EXOC3: variants seen among roughly 807,000 people sequenced by gnomAD.
EXOC3 encodes exocyst complex component 3, also known as SEC6-like 1.
A neutral mutation model predicts 73.7 loss-of-function variants in EXOC3; 21 were observed. The observed-to-expected ratio is 0.29, with a 90% CI of 0.20 to 0.41. The LOEUF (loss-of-function observed/expected upper bound fraction) is 0.41. EXOC3 is among the 10% of genes least tolerant of loss of function. The pLI, the probability that EXOC3 is intolerant of heterozygous loss-of-function variation, is 1.00. For missense variants in EXOC3, 842 were observed against 985.1 expected (o/e 0.85, Z 1.95); for synonymous variants, 410 against 389.1 (o/e 1.05, Z -0.63).
At chr5:450,856 G>A (rs1179874973) in intron 3 of EXOC3, among the ~76,000 whole-genome samples, 1 of 149,484 alleles carries the variant, frequency 6.7e-6, no homozygotes, top group Admixed American at 6.7e-5. Flanking sequence ...TTCTCTTTTG[G>A]TTATTATTTA....
At chr5:465,612 G>A (rs565996236) in intron 11 of EXOC3, 106 bp from the exon 12 acceptor site, 23 of 1,409,574 alleles carry the variant, frequency 1.6e-5, no homozygotes, top group Non-Finnish European at 2.0e-5. Flanking sequence ...GAGGAGTCAG[G>A]TGAAGAGGGA....
chr5:453,283 G>T (rs1292421978), intron 3 of EXOC3, 87 bp from the exon 4 acceptor site: 4 of 983,682 alleles, frequency 4.1e-6, no homozygotes, highest in Non-Finnish European at 6.0e-6. Context: ...GTGGCTTCCT[G>T]CTCTGCCGTG....
intron 5 of EXOC3, chr5:457,601 C>T (rs1040011142): frequency 3.2e-6 from 1 of 310,784 alleles, no homozygotes. Context: ...TCTCTGTGCA[C>T]CTGGGATTCA....
chr5:457,582 C>T (rs774714782), intron 5 of EXOC3: 8 of 282,546 alleles, frequency 2.8e-5, no homozygotes, highest in African/African-American at 8.8e-5. Flanking sequence ...CGGACCTGGT[C>T]GGCCTCATTC....
At chr5:461,294 A>C (rs2126585211) in intron 7 of EXOC3, among the ~76,000 whole-genome samples, 1 of 152,324 alleles carries the variant, frequency 6.6e-6, no homozygotes, top group Middle Eastern at 3.4e-3. Context: ...AACTCCTCAA[A>C]ATTTTTATAT....
At chr5:460,404 G>A (rs1440558436) in intron 7 of EXOC3, among the ~76,000 whole-genome samples, 1 of 152,162 alleles carries the variant, frequency 6.6e-6, no homozygotes, top group Non-Finnish European at 1.5e-5. Flanking sequence ...TGCCTTCCAC[G>A]ATGTGGCACA....
At chr5:451,261 C>T (rs753863753) in intron 3 of EXOC3, among the ~76,000 whole-genome samples, 1 of 152,178 alleles carries the variant, frequency 6.6e-6, no homozygotes, top group South Asian at 2.1e-4. Flanking sequence ...AACATTATCT[C>T]GCTTCAGTTT....
chr5:459,812 G>A (rs1737931268), intron 7 of EXOC3, among the ~76,000 whole-genome samples: 1 of 152,256 alleles, frequency 6.6e-6, no homozygotes, highest in Admixed American at 6.5e-5. Context: ...TTCGTAGTGG[G>A]GAGGGCGTCC....
rs961325050 is a variant in EXOC3 at position 462,616 on chromosome 5, G to A, written c.1653+309G>A. 4.1e-5 allele frequency: 15 copies of A among 364,042 alleles called. No homozygotes were observed. The Admixed American group carries it at 5.5e-4, about 13-fold the overall frequency. 22.6% of individuals were successfully genotyped at this position (364,042 alleles called of 1,614,324 possible). On this transcript the variant is annotated intron_variant, in intron 9 of 12. Coordinates refer to ENST00000512944, the MANE Select transcript of EXOC3 (RefSeq NM_007277.5). ...CCTGTCAAAAAGTCAAATTGAGAGTGCACACACACACACATCCTCACATAG... is the reference window on the plus strand; with the variant it reads ...CCTGTCAAAAAGTCAAATTGAGAGTACACACACACACACATCCTCACATAG...
chr5:443,758 C>T (rs1436391194), intron 1 of EXOC3, among the ~76,000 whole-genome samples: 2 of 148,164 alleles, frequency 1.3e-5, no homozygotes, highest in East Asian at 4.0e-4. Context: ...CACAGGTGTC[C>T]CTCCCAGGCA....
In EXOC3 at chr5:447,588, A is replaced by G; in HGVS notation, c.200A>G (p.Asn67Ser). The G allele has an allele frequency of 6.3e-7, 1 of 1,591,530 alleles. No homozygotes were observed. The highest frequency in any genetic ancestry group is 2.3e-5 in the East Asian group (1 of 43,376). ...CGCACAGGCCTCAGCCAGCTCCACA[A>G]CGCCCTGAATGACGTCAAAGACATC... ...GVRTGLSQLH[N>S]ALNDVKDIQQ... is the part of the protein sequence containing the mutation. Residue 67 changes from asparagine (N) to serine (S), a missense_variant, in exon 3 of 13, where the codon AAC (asparagine) becomes AGC (serine). Physicochemically the swap from Asn to Ser is conservative, Grantham distance 46. Transcript: ENST00000512944.
At chr5:458,625 C>G (rs190161929) in intron 6 of EXOC3, among the ~76,000 whole-genome samples, 74 of 152,338 alleles carry the variant, frequency 4.9e-4, no homozygotes, top group African/African-American at 1.7e-3. Context: ...GGTGTTAGAA[C>G]CGGTGTGTTC....
At position 466,829 on chromosome 5, in the gene EXOC3, C is replaced by T; in HGVS notation, c.2169C>T (p.Ser723=). 1.4e-5 allele frequency: 22 copies of T among 1,613,386 alleles called. No homozygotes were observed. The highest frequency in any genetic ancestry group is 2.2e-5 in the East Asian group (1 of 44,876). ...TGGAGCAGGGCCCAGCACAGGCCAG[C>T]CCCAGCTACGTGCCCCTCTTCAAGG... ...ETLEQGPAQA[S]PSYVPLFKDI... The change falls in exon 13 of 13, where the codon AGC becomes AGT. Residue 723 remains serine, a synonymous_variant. Coordinates refer to ENST00000512944, the MANE Select transcript of EXOC3 (RefSeq NM_007277.5).
intron 2 of EXOC3, 21 bp downstream of exon 2, chr5:446,370 C>G: frequency 6.4e-7 from 1 of 1,571,016 alleles, no homozygotes; most frequent in Non-Finnish European, 8.6e-7. Flanking sequence ...CTGCCCCACT[C>G]CCAGGATCTG....
chr5:464,233 C>G (rs1579745799), intron 9 of EXOC3, 57 bp from the exon 10 acceptor site: 2 of 1,577,630 alleles, frequency 1.3e-6, no homozygotes, highest in East Asian at 4.6e-5. Flanking sequence ...CCCACATGCA[C>G]TCGGCTCTCG....
intron 7 of EXOC3, among the ~76,000 whole-genome samples, chr5:460,425 TG>T (rs1401253317): frequency 6.6e-6 from 1 of 152,186 alleles, no homozygotes; most frequent in African/African-American, 2.4e-5. Flanking sequence ...TCAGGAGACA[TG>T]GCGTCCATAG....
intron 1 of EXOC3, among the ~76,000 whole-genome samples, chr5:445,723 G>A (rs980622881): frequency 1.3e-5 from 2 of 152,140 alleles, no homozygotes; most frequent in Admixed American, 1.3e-4. Context: ...GTACCTGGTC[G>A]GGGGAGTTGT....
At chr5:455,254 C>T (rs554559319) in intron 4 of EXOC3, among the ~76,000 whole-genome samples, 70 of 152,360 alleles carry the variant, frequency 4.6e-4, no homozygotes, top group African/African-American at 1.6e-3. Context: ...TGGGCCCTCC[C>T]GGGCCATGGC....
At position 453,611 on chromosome 5, in the gene EXOC3, C is replaced by T. The variant is rs1278637567; in HGVS notation, c.606C>T (p.Val202=). Residue 202 remains valine (V), a synonymous_variant, in exon 4 of 13, where the codon GTC becomes GTT. Transcript: ENST00000512944. Reference sequence around the variant, plus strand: ...TGCTGCAGAGGTCACTGGTCACTGTCCGCCGTGACCCCACCTTGCTGGTCT... The same window carrying T: ...TGCTGCAGAGGTCACTGGTCACTGTTCGCCGTGACCCCACCTTGCTGGTCT... ...WMVLQRSLVT[V]RRDPTLLVSV... 6 of 1,613,938 alleles carry T rather than the reference C, an allele frequency of 3.7e-6. No homozygotes were observed. In the East Asian group the frequency reaches 1.1e-4, roughly 30 times the overall value.
Sources: allele counts gnomAD v4.1 joint callset (sites outside exome capture counted in the v4.1 genomes callset), GRCh38; gene constraint gnomAD v4.1.1; transcripts MANE v1.5; gene names NCBI Gene and HGNC (gene_info 2026-07-23, HGNC 2026-07-21).